TRPM3: variants seen among roughly 807,000 people sequenced by gnomAD.
TRPM3 encodes the protein long transient receptor potential channel 3.
TRPM3 carries 77 observed loss-of-function variants against 181.2 expected under a neutral mutation model. The observed-to-expected ratio is 0.42, with a 90% CI of 0.35 to 0.51. The LOEUF (loss-of-function observed/expected upper bound fraction) is 0.51, where lower values mean the gene tolerates loss of function less well. Ranked by LOEUF, TRPM3 falls within the 20% of genes least tolerant of loss-of-function variation. The pLI, the probability that TRPM3 is intolerant of heterozygous loss-of-function variation, is 0.01. For missense variants in TRPM3, 1,759 were observed against 2,196.7 expected, an observed-to-expected ratio of 0.80 and a Z score of 3.98; for synonymous variants, 745 against 796.4, an observed-to-expected ratio of 0.94 and a Z score of 1.09.
chr9:71,252,724 T>G (rs1201578343), intron 1 of TRPM3, among the ~76,000 whole-genome samples: 1 of 152,004 alleles, frequency 6.6e-6, no homozygotes, highest in African/African-American at 2.4e-5. Context: ...TAGGCTGGAG[T>G]GCAGTGGAGC....
chr9:71,229,651 G>A (rs557366797), intron 1 of TRPM3, among the ~76,000 whole-genome samples: 2 of 152,246 alleles, frequency 1.3e-5, no homozygotes, highest in East Asian at 3.9e-4. Context: ...TTTCTCAAAA[G>A]AAGACAAATG....
intron 4 of TRPM3, among the ~76,000 whole-genome samples, 189 bp from the exon 5 acceptor site, chr9:70,843,316 G>A (rs1242468931): frequency 1.3e-5 from 2 of 152,066 alleles, no homozygotes; most frequent in Non-Finnish European, 2.9e-5. Flanking sequence ...CAGATGCATT[G>A]GCCAGATTTG....
At chr9:71,256,882 A>T (rs1467190822) in intron 1 of TRPM3, among the ~76,000 whole-genome samples, 1 of 152,176 alleles carries the variant, frequency 6.6e-6, no homozygotes, top group East Asian at 1.9e-4. Context: ...TCCAGAGCAA[A>T]CTGTACTCTT....
chr9:71,420,954 G>GGAGAGAAAAATA (rs2093752590), intron 1 of TRPM3, among the ~76,000 whole-genome samples: 1 of 100,554 alleles, frequency 9.9e-6, no homozygotes, highest in African/African-American at 6.1e-5. Flanking sequence ...AGAGAAAAAG[G>GGAGAGAAAAATA]GAGAGAAAAA....
chr9:70,870,731 G>A (rs1190885804), intron 1 of TRPM3, among the ~76,000 whole-genome samples: 3 of 151,964 alleles, frequency 2.0e-5, no homozygotes, highest in Non-Finnish European at 4.4e-5. Context: ...ACATTTTCAT[G>A]TTGCTATGTG....
At chr9:70,589,710 C>T (rs2057780790) in intron 22 of TRPM3, among the ~76,000 whole-genome samples, 1 of 152,164 alleles carries the variant, frequency 6.6e-6, no homozygotes, top group Non-Finnish European at 1.5e-5. Flanking sequence ...TTGGCTAAGT[C>T]TCATGAAACA....
At chr9:70,809,464 T>G (rs1433114010) in intron 6 of TRPM3, among the ~76,000 whole-genome samples, 1 of 152,198 alleles carries the variant, frequency 6.6e-6, no homozygotes, top group African/African-American at 2.4e-5. Context: ...TTATACTATG[T>G]TTTTATTGTG....
intron 8 of TRPM3, among the ~76,000 whole-genome samples, chr9:70,691,035 T>G (rs753743209): frequency 6.6e-6 from 1 of 152,170 alleles, no homozygotes; most frequent in Non-Finnish European, 1.5e-5. Context: ...GGAAGGAAAT[T>G]GGAGAAAATT....
intron 1 of TRPM3, among the ~76,000 whole-genome samples, chr9:71,033,535 T>A (rs1480300761): frequency 6.6e-6 from 1 of 151,124 alleles, no homozygotes; most frequent in Non-Finnish European, 1.5e-5. Flanking sequence ...TATACATACA[T>A]TTAAGATTAA....
intron 1 of TRPM3, among the ~76,000 whole-genome samples, chr9:70,899,862 G>A (rs935926415): frequency 6.6e-6 from 1 of 152,174 alleles, no homozygotes; most frequent in African/African-American, 2.4e-5. Flanking sequence ...AAGAATGAAT[G>A]AATGGACCAA....
intron 1 of TRPM3, among the ~76,000 whole-genome samples, chr9:71,299,258 T>C (rs79309271): frequency 0.011 from 1,674 of 152,302 alleles, 26 homozygotes; most frequent in East Asian, 0.076. Flanking sequence ...TAAGTCTGCA[T>C]GTGTTTTGAT....
intron 1 of TRPM3, among the ~76,000 whole-genome samples, chr9:71,208,195 T>C (rs2079244372): frequency 6.6e-6 from 1 of 152,178 alleles, no homozygotes; most frequent in African/African-American, 2.4e-5. Flanking sequence ...TCTGTATTTT[T>C]ATCTAGCATA....
intron 1 of TRPM3, among the ~76,000 whole-genome samples, chr9:71,006,579 T>C (rs974075871): frequency 6.6e-6 from 1 of 152,040 alleles, no homozygotes; most frequent in Non-Finnish European, 1.5e-5. Flanking sequence ...TCTGATAAAA[T>C]GGACTTTAAG....
At chr9:71,130,181 G>A (rs777009126) in intron 1 of TRPM3, among the ~76,000 whole-genome samples, 1 of 152,136 alleles carries the variant, frequency 6.6e-6, no homozygotes, top group African/African-American at 2.4e-5. Context: ...GTAAGTTTCA[G>A]AGCTATGTTT....
At chr9:70,556,882 A>G (rs1250007735) in intron 22 of TRPM3, among the ~76,000 whole-genome samples, 1 of 152,250 alleles carries the variant, frequency 6.6e-6, no homozygotes, top group Non-Finnish European at 1.5e-5. Flanking sequence ...AAGATAATGC[A>G]TGCAAAGTAT....
At chr9:71,050,905 G>A (rs995459878) in intron 1 of TRPM3, among the ~76,000 whole-genome samples, 1 of 152,188 alleles carries the variant, frequency 6.6e-6, no homozygotes, top group African/African-American at 2.4e-5. Context: ...TGATTAATGG[G>A]AGGGGAGAAG....
At chr9:71,033,515 A>G (rs2057798498) in intron 1 of TRPM3, among the ~76,000 whole-genome samples, 1 of 152,138 alleles carries the variant, frequency 6.6e-6, no homozygotes, top group Non-Finnish European at 1.5e-5. Context: ...ACACTGAAAT[A>G]AATTTGAACT....
At chr9:70,990,207 A>C (rs947860210) in intron 1 of TRPM3, among the ~76,000 whole-genome samples, 1 of 152,208 alleles carries the variant, frequency 6.6e-6, no homozygotes, top group African/African-American at 2.4e-5. Flanking sequence ...TGCAAAATGC[A>C]GTGTTCGGTG....
At chr9:71,118,980 TAGCAA>T (rs2073039981) in intron 1 of TRPM3, among the ~76,000 whole-genome samples, 1 of 152,116 alleles carries the variant, frequency 6.6e-6, no homozygotes, top group South Asian at 2.1e-4. Flanking sequence ...ACATAGGAAC[TAGCAA>T]AGCAAACACA....
Sources: gnomAD v4.1 joint callset for allele counts (sites outside exome capture counted in the v4.1 genomes callset) on GRCh38, gnomAD v4.1.1 for gene constraint, MANE v1.5 for transcripts, NCBI Gene and HGNC (gene_info 2026-07-23, HGNC 2026-07-21) for gene names.